NFIA: variants seen among roughly 807,000 people sequenced by gnomAD.
The protein encoded by NFIA is nuclear factor I A.
NFIA carries 8 observed loss-of-function variants against 62.8 expected under a neutral mutation model. That is an observed-to-expected ratio of 0.13 (90% CI 0.07 to 0.23). The LOEUF (loss-of-function observed/expected upper bound fraction) is 0.23. Ranked by LOEUF, NFIA falls within the 10% of genes least tolerant of loss-of-function variation. The pLI, the probability that NFIA is intolerant of heterozygous loss-of-function variation, is 1.00. For synonymous variants in NFIA, 235 were observed against 238.1 expected, an observed-to-expected ratio of 0.99 and a Z score of 0.12; for missense variants, 410 against 642.1, an observed-to-expected ratio of 0.64 and a Z score of 3.91.
chr1:61,261,569 A>T (rs1403811735), intron 2 of NFIA, among the ~76,000 whole-genome samples: 2 of 152,140 alleles, frequency 1.3e-5, no homozygotes, highest in African/African-American at 4.8e-5. Flanking sequence ...CTTCCAATGG[A>T]TTTATCAGGA....
chr1:61,400,105 A>G (rs887048398), intron 7 of NFIA, among the ~76,000 whole-genome samples: 5 of 152,124 alleles, frequency 3.3e-5, no homozygotes, highest in African/African-American at 1.2e-4. Flanking sequence ...AAGTAAACCA[A>G]CCTGACTGAC....
chr1:61,224,936 G>T lies in NFIA; in HGVS notation c.560-52584G>T, dbSNP rs1006447312. ...AGGCACTAAAGTCCATTTTTAAAAG[G>T]TCTCCACTCCTTTCACCCCATAATT... On this transcript the variant is annotated intron_variant, in intron 2 of 10. Transcript: ENST00000403491. 5.9e-5 allele frequency among the ~76,000 whole-genome samples: 9 copies of T among 152,196 alleles called. No individual in the cohort carries two copies. In the South Asian group the frequency reaches 1.0e-3, roughly 18 times the overall value.
chr1:61,410,940 G>A (rs185149203), intron 9 of NFIA, among the ~76,000 whole-genome samples: 9 of 152,002 alleles, frequency 5.9e-5, no homozygotes, highest in Admixed American at 5.9e-4. Context: ...AAAAATAAAA[G>A]TAGGAAAATA....
intron 2 of NFIA, among the ~76,000 whole-genome samples, chr1:61,243,543 A>G (rs958693374): frequency 6.6e-6 from 1 of 152,116 alleles, no homozygotes; most frequent in Non-Finnish European, 1.5e-5. Flanking sequence ...TTACTTGTCA[A>G]TTTTGTTGTT....
chr1:61,191,450 C>T (rs1228892615), intron 2 of NFIA, among the ~76,000 whole-genome samples: 4 of 152,000 alleles, frequency 2.6e-5, no homozygotes, highest in Non-Finnish European at 5.9e-5. Flanking sequence ...TTGTCTCTAG[C>T]CTGGTTTTTT....
intron 10 of NFIA, among the ~76,000 whole-genome samples, chr1:61,449,977 C>G (rs1396849563): frequency 6.6e-6 from 1 of 152,192 alleles, no homozygotes; most frequent in African/African-American, 2.4e-5. Flanking sequence ...TGAAGTCACA[C>G]TGCTGGTCAG....
intron 2 of NFIA, among the ~76,000 whole-genome samples, chr1:61,133,461 A>G (rs1647118501): frequency 6.6e-6 from 1 of 152,202 alleles, no homozygotes; most frequent in African/African-American, 2.4e-5. Context: ...GAGGAAGGGA[A>G]CTTACTAGTC....
chr1:61,355,821 C>G (rs1662922863), intron 5 of NFIA, among the ~76,000 whole-genome samples: 1 of 152,114 alleles, frequency 6.6e-6, no homozygotes, highest in Admixed American at 6.6e-5. Context: ...CTCCTGGCTT[C>G]AAGTGATCCT....
At chr1:61,175,123 G>A (rs1168229280) in intron 2 of NFIA, among the ~76,000 whole-genome samples, 1 of 80,724 alleles carries the variant, frequency 1.2e-5, no homozygotes, top group Non-Finnish European at 2.3e-5. Flanking sequence ...AAACTTTTCT[G>A]TATTGATTAT....
chr1:61,106,722 C>A (rs1646607554), intron 2 of NFIA, among the ~76,000 whole-genome samples: 1 of 151,418 alleles, frequency 6.6e-6, no homozygotes, highest in Non-Finnish European at 1.5e-5. Flanking sequence ...ATAGTATGAA[C>A]TGAAAATCTG....
chr1:61,252,279 C>T (rs1570455575), intron 2 of NFIA, among the ~76,000 whole-genome samples: 1 of 152,206 alleles, frequency 6.6e-6, no homozygotes, highest in East Asian at 1.9e-4. Context: ...CCAACAGTTA[C>T]CTACTACCAC....
intron 2 of NFIA, among the ~76,000 whole-genome samples, chr1:61,117,824 A>G (rs552150939): frequency 4.6e-5 from 7 of 152,294 alleles, no homozygotes; most frequent in African/African-American, 1.2e-4. Context: ...CAAATTTTCT[A>G]TAATCTCGTG....
chr1:61,334,784 C>T (rs927156129), intron 4 of NFIA, among the ~76,000 whole-genome samples: 12 of 151,746 alleles, frequency 7.9e-5, no homozygotes, highest in Non-Finnish European at 1.5e-4. Context: ...ATTTAGTCCT[C>T]ATTACCATCA....
intron 2 of NFIA, among the ~76,000 whole-genome samples, chr1:61,098,568 G>A (rs182169923): frequency 2.0e-5 from 3 of 152,314 alleles, no homozygotes; most frequent in East Asian, 1.9e-4. Context: ...GTTCAACAGC[G>A]TAACTATTGT....
rs1665830643 is a variant in NFIA at position 61,406,543 on chromosome 1, G to GGCC, written c.1255-19_1255-18insGCC. On this transcript the variant is annotated intron_variant, in intron 8 of 10. Transcript: ENST00000403491. The stretch of plus-strand genomic sequence containing the variant: ...TCTTTTTCTTGTACGTGTGTTTTCT[G>GGCC]CCCCCCCCCCCCCCACAGCCCAATG... 1.9e-5 allele frequency: 17 copies of GGCC among 877,354 alleles called. No individual in the cohort carries two copies. The highest frequency in any genetic ancestry group is 2.7e-5 in the African/African-American group (1 of 37,616). 54.3% of individuals were successfully genotyped at this position (877,354 alleles called of 1,614,324 possible).
At chr1:61,089,185 T>A (rs555216449) in intron 2 of NFIA, among the ~76,000 whole-genome samples, 1 of 152,280 alleles carries the variant, frequency 6.6e-6, no homozygotes, top group South Asian at 2.1e-4. Flanking sequence ...ATAATCACAT[T>A]AATACGCAGA....
intron 6 of NFIA, among the ~76,000 whole-genome samples, chr1:61,366,748 C>A (rs1569634222): frequency 6.6e-6 from 1 of 151,988 alleles, no homozygotes; most frequent in South Asian, 2.1e-4. Context: ...CATGGTGAGA[C>A]CCCATCTCTG....
chr1:61,263,194 G>T (rs143412000), intron 2 of NFIA, among the ~76,000 whole-genome samples: 124 of 152,198 alleles, frequency 8.1e-4, no homozygotes, highest in African/African-American at 2.7e-3. Context: ...ATTAAAACAG[G>T]ACAGAGTTTC....
intron 8 of NFIA, 122 bp from the exon 9 acceptor site, chr1:61,406,440 G>C (rs1665822839): frequency 1.3e-5 from 11 of 821,896 alleles, no homozygotes; most frequent in Non-Finnish European, 2.1e-5. Context: ...GAAGCAGCTA[G>C]ATACTTAGTA....
Sources: gnomAD v4.1 joint callset for allele counts (sites outside exome capture counted in the v4.1 genomes callset) on GRCh38, gnomAD v4.1.1 for gene constraint, MANE v1.5 for transcripts, NCBI Gene and HGNC (gene_info 2026-07-23, HGNC 2026-07-21) for gene names.